The following PCDH15 variants were observed in gnomAD, a reference collection of about 807,000 sequenced individuals.
The protein encoded by PCDH15 is protocadherin-15.
A neutral mutation model predicts 178.5 loss-of-function variants in PCDH15; 129 were observed. The observed-to-expected ratio is 0.72, with a 90% confidence interval of 0.63 to 0.84. The LOEUF (loss-of-function observed/expected upper bound fraction) is 0.84, where lower values mean the gene tolerates loss of function less well. Ranked by LOEUF, PCDH15 falls within the 40% of genes least tolerant of loss-of-function variation. The pLI is 0.00. For missense variants in PCDH15, 2,230 were observed against 2,099.9 expected, an observed-to-expected ratio of 1.06 and a Z score of -1.21; for synonymous variants, 800 against 732.0, an observed-to-expected ratio of 1.09 and a Z score of -1.50.
chr10:54,033,435 G>A (rs1438979457), intron 18 of PCDH15, among the ~76,000 whole-genome samples: 1 of 151,838 alleles, frequency 6.6e-6, no homozygotes, highest in Non-Finnish European at 1.5e-5. Context: ...TACCACCGTT[G>A]AGAATGCATG....
At chr10:54,765,465 C>T (rs1186563866) in intron 1 of PCDH15, among the ~76,000 whole-genome samples, 1 of 152,040 alleles carries the variant, frequency 6.6e-6, no homozygotes, top group East Asian at 1.9e-4. Context: ...GGAATATTAG[C>T]TCCAGGAGAG....
chr10:55,269,184 G>A (rs1259331166), intron 1 of PCDH15, among the ~76,000 whole-genome samples: 2 of 152,024 alleles, frequency 1.3e-5, no homozygotes, highest in East Asian at 1.9e-4. Context: ...CATATGGAAT[G>A]GGCAAAAGCT....
intron 2 of PCDH15, among the ~76,000 whole-genome samples, chr10:54,984,521 C>A (rs369430705): frequency 2.0e-5 from 3 of 152,236 alleles, no homozygotes; most frequent in African/African-American, 7.2e-5. Flanking sequence ...GCTGTCCATT[C>A]TTAATTGAAC....
chr10:53,850,139 A>G (rs1209832658), intron 28 of PCDH15, among the ~76,000 whole-genome samples: 1 of 152,038 alleles, frequency 6.6e-6, no homozygotes, highest in Non-Finnish European at 1.5e-5. Context: ...AGAACTGAAA[A>G]TCATGGAGCA....
intron 2 of PCDH15, among the ~76,000 whole-genome samples, chr10:55,091,914 T>A (rs1014802663): frequency 1.3e-5 from 2 of 151,384 alleles, no homozygotes; most frequent in Non-Finnish European, 3.0e-5. Flanking sequence ...CCACTAGGGG[T>A]CGGTGTGAGT....
intron 2 of PCDH15, among the ~76,000 whole-genome samples, chr10:55,416,492 C>T (rs1838486868): frequency 6.6e-6 from 1 of 151,494 alleles, no homozygotes; most frequent in South Asian, 2.1e-4. Flanking sequence ...TATGATAGCA[C>T]AAAAATGAAT....
intron 32 of PCDH15, among the ~76,000 whole-genome samples, chr10:53,824,694 GGATT>G (rs1200289912): frequency 2.0e-5 from 3 of 151,898 alleles, no homozygotes; most frequent in Admixed American, 6.6e-5. Context: ...CGAACAACTG[GGATT>G]GATATTATAT....
intron 1 of PCDH15, among the ~76,000 whole-genome samples, chr10:55,172,223 G>C (rs932787071): frequency 5.9e-5 from 9 of 151,696 alleles, no homozygotes; most frequent in African/African-American, 2.2e-4. Flanking sequence ...TGACAAAAAT[G>C]AACACCTAAA....
chr10:53,809,847 T>A (rs186862938), intron 37 of PCDH15, among the ~76,000 whole-genome samples: 43 of 152,270 alleles, frequency 2.8e-4, no homozygotes, highest in Middle Eastern at 3.5e-3. Context: ...TATTGTCTCT[T>A]CCTTCCTTCC....
intron 2 of PCDH15, among the ~76,000 whole-genome samples, chr10:55,117,859 A>C (rs7895874): frequency 6.6e-6 from 1 of 151,984 alleles, no homozygotes; most frequent in Admixed American, 6.5e-5. Flanking sequence ...GGGAGGATGA[A>C]TATTCAGCTT....
intron 2 of PCDH15, among the ~76,000 whole-genome samples, chr10:55,623,775 C>T (rs1165972884): frequency 1.3e-5 from 2 of 150,630 alleles, no homozygotes; most frequent in Non-Finnish European, 3.0e-5. Context: ...AATAAATGGG[C>T]ACTAACACCT....
In PCDH15 at chr10:55,427,188, G is replaced by A. The variant is rs138660823; in HGVS notation, c.-156+200437C>T. On this transcript the variant is annotated intron_variant, in intron 2 of 5. Coordinates refer to the PCDH15 transcript ENST00000613346. The stretch of plus-strand genomic sequence containing the variant: ...CTCAGCTTATTTAAAGTTATAATCC[G>A]TAGATGTGTAAAATCTGGACCATGC... Among the ~76,000 whole-genome samples the A allele has an allele frequency of 4.6e-3, 706 of 152,082 alleles. 6 individuals are homozygous for A. The highest frequency in any genetic ancestry group is 0.016 in the African/African-American group (668 of 41,488).
At chr10:55,564,705 G>A (rs1306108407) in intron 2 of PCDH15, among the ~76,000 whole-genome samples, 3 of 151,576 alleles carry the variant, frequency 2.0e-5, no homozygotes, top group Non-Finnish European at 4.4e-5. Context: ...GAGTACTGGG[G>A]TGGTTATATT....
chr10:53,905,238 G>A (rs1169804837), intron 25 of PCDH15: 1 of 518,698 alleles, frequency 1.9e-6, no homozygotes, highest in Admixed American at 1.9e-5. Flanking sequence ...TCTTTCTAAT[G>A]TGTCCTGCAT....
At chr10:55,110,719 T>C (rs1466688164) in intron 2 of PCDH15, among the ~76,000 whole-genome samples, 1 of 151,612 alleles carries the variant, frequency 6.6e-6, no homozygotes, top group Non-Finnish European at 1.5e-5. Flanking sequence ...AATTCTGACC[T>C]AAAAAGAGTT....
At chr10:55,437,471 C>T (rs189661375) in intron 2 of PCDH15, among the ~76,000 whole-genome samples, 4 of 151,898 alleles carry the variant, frequency 2.6e-5, no homozygotes, top group Admixed American at 1.3e-4. Context: ...TTCAAGCTCA[C>T]AGTTTTGGAA....
At chr10:54,176,666 A>T (rs1481173947) in intron 13 of PCDH15, among the ~76,000 whole-genome samples, 1 of 152,086 alleles carries the variant, frequency 6.6e-6, no homozygotes, top group East Asian at 1.9e-4. Flanking sequence ...GTTTTCCAGG[A>T]GGGTGAGGAT....
chr10:54,408,052 C>CAAAAAAAAA (rs71461239), intron 3 of PCDH15, among the ~76,000 whole-genome samples: 2 of 83,720 alleles, frequency 2.4e-5, no homozygotes, highest in African/African-American at 4.7e-5. Context: ...GAGACTCTGT[C>CAAAAAAAAA]AAAAAAAAAA....
intron 2 of PCDH15, among the ~76,000 whole-genome samples, chr10:54,586,064 T>A (rs1012437134): frequency 3.3e-5 from 5 of 152,138 alleles, no homozygotes; most frequent in Non-Finnish European, 7.4e-5. Context: ...TAAGATTAAT[T>A]TTCAGGAAAA....
Sources: gnomAD v4.1 joint callset for allele counts (sites outside exome capture counted in the v4.1 genomes callset) on GRCh38, gnomAD v4.1.1 for gene constraint, MANE v1.5 for transcripts, NCBI Gene and HGNC (gene_info 2026-07-23, HGNC 2026-07-21) for gene names.